EEA1: variants seen among roughly 807,000 people sequenced by gnomAD.
EEA1 encodes early endosome antigen 1.
EEA1 carries 111 observed loss-of-function variants against 209.2 expected under a neutral mutation model. The observed-to-expected ratio is 0.53, with a 90% CI of 0.45 to 0.62. EEA1 has a LOEUF of 0.62. Among genes scored for constraint, EEA1 ranks in the 20% least tolerant of loss-of-function variants. The probability of loss-of-function intolerance (pLI) is 0.00; values close to 1 mark genes in which losing one functional copy is unlikely to be tolerated. For missense variants in EEA1, 1,343 were observed against 1,530.8 expected (o/e 0.88, Z 2.05); for synonymous variants, 536 against 540.6 (o/e 0.99, Z 0.12).
At chr12:92,900,830 A>T (rs1880113952) in intron 1 of EEA1, among the ~76,000 whole-genome samples, 1 of 151,974 alleles carries the variant, frequency 6.6e-6, no homozygotes, top group Non-Finnish European at 1.5e-5. Context: ...CACCACGTCC[A>T]GCTAATTTTT....
chr12:92,809,271 T>A, intron 17 of EEA1, 115 bp from the exon 18 acceptor site: 1 of 636,900 alleles, frequency 1.6e-6, no homozygotes, highest in Non-Finnish European at 2.3e-6. Flanking sequence ...AAAAAAAAAT[T>A]TATTATAATA....
At chr12:92,801,751 T>C (rs371226431) in intron 19 of EEA1, 50 bp from the exon 20 acceptor site, 2 of 1,307,080 alleles carry the variant, frequency 1.5e-6, no homozygotes, top group Non-Finnish European at 2.1e-6. Flanking sequence ...GTAATAACCT[T>C]AAGAAGTTTA....
chr12:92,843,661 T>C (rs557736362), intron 9 of EEA1, among the ~76,000 whole-genome samples: 2 of 152,298 alleles, frequency 1.3e-5, no homozygotes, highest in East Asian at 3.9e-4. Context: ...AATAACTTTC[T>C]ATTATATTAA....
intron 1 of EEA1, among the ~76,000 whole-genome samples, chr12:92,926,403 G>A (rs1200051386): frequency 6.6e-6 from 1 of 152,132 alleles, no homozygotes. Context: ...AAGATTAGCA[G>A]GGAGGGGTAA....
chr12:92,826,804 TA>T (rs1876328947), intron 12 of EEA1, among the ~76,000 whole-genome samples: 1 of 152,048 alleles, frequency 6.6e-6, no homozygotes, highest in South Asian at 2.1e-4. Flanking sequence ...TTTCTATAAA[TA>T]GGCTTATCCT....
intron 1 of EEA1, among the ~76,000 whole-genome samples, chr12:92,906,940 T>C (rs957352533): frequency 6.6e-6 from 1 of 152,220 alleles, no homozygotes; most frequent in African/African-American, 2.4e-5. Context: ...CCATTTACTA[T>C]ATGCAGACCT....
At chr12:92,924,058 C>T (rs1047091098) in intron 1 of EEA1, among the ~76,000 whole-genome samples, 2 of 152,014 alleles carry the variant, frequency 1.3e-5, no homozygotes, top group East Asian at 1.9e-4. Flanking sequence ...CTGCAGTGAA[C>T]GTGACGGTGT....
At chr12:92,823,050 G>C (rs188297116) in intron 13 of EEA1, among the ~76,000 whole-genome samples, 2 of 152,150 alleles carry the variant, frequency 1.3e-5, no homozygotes, top group Admixed American at 1.3e-4. Flanking sequence ...TCTCACATTT[G>C]TCTGTATGAC....
chr12:92,858,270 A>G (rs1007055191), intron 3 of EEA1: 2 of 732,414 alleles, frequency 2.7e-6, no homozygotes, highest in African/African-American at 3.5e-5. Flanking sequence ...TAAAACTGGA[A>G]TGATCCTTCT....
At chr12:92,804,491 G>A (rs564099667) in intron 18 of EEA1, among the ~76,000 whole-genome samples, 1 of 145,732 alleles carries the variant, frequency 6.9e-6, no homozygotes, top group Admixed American at 7.1e-5. Flanking sequence ...AGAATCGCTT[G>A]AACCCAGGTG....
In EEA1 at chr12:92,827,818, G is replaced by C; in HGVS notation, c.1404+94C>G. 17 of 1,319,274 alleles carry C rather than the reference G, an allele frequency of 1.3e-5. No homozygotes were observed. In the South Asian group the frequency reaches 3.7e-4, roughly 29 times the overall value. The allele number at this position is 1,319,274 out of a possible 1,614,324, so 81.7% of individuals were successfully genotyped here. A position where few individuals can be genotyped will look rare whatever the true frequency, so the allele number is the denominator to read the frequency against. Reference sequence around the variant, plus strand: ...GAGCAATAAATTTGCACTTTAAAAAGTCCAATTAAAGCTTTGACAATTAAC... The same window carrying C: ...GAGCAATAAATTTGCACTTTAAAAACTCCAATTAAAGCTTTGACAATTAAC... On this transcript the variant is annotated intron_variant, in intron 12 of 28. Transcript: ENST00000322349.
At chr12:92,799,317 CACTAT>C (rs1159406093) in intron 20 of EEA1, among the ~76,000 whole-genome samples, 10 of 152,174 alleles carry the variant, frequency 6.6e-5, no homozygotes, top group Non-Finnish European at 1.5e-4. Context: ...CAACACTATT[CACTAT>C]TAGGTGACAT....
chr12:92,859,611 T>C (rs1320437810), intron 3 of EEA1, among the ~76,000 whole-genome samples: 1 of 152,246 alleles, frequency 6.6e-6, no homozygotes, highest in Non-Finnish European at 1.5e-5. Context: ...ATGAATTTAC[T>C]GAGCACAGGT....
rs774811100 is a variant in EEA1 at position 92,779,298 on chromosome 12, C to T, written c.3471G>A (p.Glu1157=). The T allele has an allele frequency of 1.9e-6, 3 of 1,578,564 alleles. No homozygotes were observed. The East Asian group carries it at 6.9e-5, about 36-fold the overall frequency. ...LKSHKLESIK[E]ITNLKDAKQL... ...GTTTAGCATCTTTAAGATTTGTTAT[C>T]TCCTGTTGAAAAAGTAGGGCCAAAA... is the stretch of plus-strand genomic sequence containing the variant. Residue 1157 remains glutamate, a splice_region_variant and synonymous_variant, in exon 25 of 29, where the codon GAG becomes GAA. Transcript: ENST00000322349.
chr12:92,781,918 GAT>G, intron 23 of EEA1, 30 bp downstream of exon 23: 1 of 1,577,102 alleles, frequency 6.3e-7, no homozygotes, highest in Non-Finnish European at 8.6e-7. Flanking sequence ...GTAACTCTAA[GAT>G]TGTAGATTTA....
chr12:92,871,130 T>C (rs1213307291), intron 2 of EEA1, among the ~76,000 whole-genome samples: 2 of 152,236 alleles, frequency 1.3e-5, no homozygotes, highest in African/African-American at 4.8e-5. Context: ...TAATATTCAC[T>C]TAATATTTTG....
At chr12:92,823,846 T>C (rs1876172977) in intron 13 of EEA1, among the ~76,000 whole-genome samples, 1 of 152,236 alleles carries the variant, frequency 6.6e-6, no homozygotes. Flanking sequence ...TGTGGCTAAA[T>C]TAATAAAGTT....
chr12:92,818,133 C>T (rs570002320), intron 14 of EEA1, among the ~76,000 whole-genome samples: 2 of 152,270 alleles, frequency 1.3e-5, no homozygotes, highest in East Asian at 1.9e-4. Flanking sequence ...CTGTACTGCT[C>T]CTTCCTTTCT....
chr12:92,775,943 C>T lies in EEA1; in HGVS notation c.*68G>A. The T allele has an allele frequency of 6.5e-7, 1 of 1,534,244 alleles. No individual in the cohort carries two copies. The highest frequency in any genetic ancestry group is 8.8e-7 in the Non-Finnish European group (1 of 1,133,862). ...GTCCAAACCAAATAGTAGTCCAAGACCTCTATTAAGTACATTTATTAAAAA... is the reference window on the plus strand; with the variant it reads ...GTCCAAACCAAATAGTAGTCCAAGATCTCTATTAAGTACATTTATTAAAAA... On this transcript the variant is annotated 3_prime_UTR_variant, in exon 29 of 29. Transcript: ENST00000322349.
Sources: gnomAD v4.1 joint callset for allele counts (sites outside exome capture counted in the v4.1 genomes callset) on GRCh38, gnomAD v4.1.1 for gene constraint, MANE v1.5 for transcripts, NCBI Gene and HGNC (gene_info 2026-07-23, HGNC 2026-07-21) for gene names.